CFDP1: variants seen among roughly 807,000 people sequenced by gnomAD.
CFDP1 encodes heterochromatin-stabilizing protein CFDP1.
In CFDP1, 31 loss-of-function variants were observed where a neutral mutation model predicts 40.1. That is an observed-to-expected ratio of 0.77 (90% CI 0.58 to 1.04). The LOEUF (loss-of-function observed/expected upper bound fraction) is 1.04, where lower values mean the gene tolerates loss of function less well. CFDP1 is among the 50% of genes least tolerant of loss of function. CFDP1 has a pLI of 0.00. For missense variants in CFDP1, 423 were observed against 343.4 expected, an observed-to-expected ratio of 1.23 and a Z score of -1.83; for synonymous variants, 167 against 120.0, an observed-to-expected ratio of 1.39 and a Z score of -2.56.
intron 5 of CFDP1, among the ~76,000 whole-genome samples, chr16:75,349,680 A>T (rs1368692076): frequency 0.23 from 1,502 of 6,524 alleles, 136 homozygotes; most frequent in African/African-American, 0.24. Flanking sequence ...AAAAAAAAAA[A>T]AAAAAAAAAA....
At chr16:75,296,266 G>A (rs1011807589) in intron 6 of CFDP1, among the ~76,000 whole-genome samples, 5 of 152,150 alleles carry the variant, frequency 3.3e-5, no homozygotes, top group Non-Finnish European at 7.3e-5. Context: ...TTTTAAGACA[G>A]GGTCTTGCTT....
intron 5 of CFDP1, among the ~76,000 whole-genome samples, chr16:75,369,183 C>A (rs565285558): frequency 5.9e-5 from 9 of 151,972 alleles, no homozygotes; most frequent in Non-Finnish European, 1.2e-4. Flanking sequence ...AGTTTTTGAA[C>A]GTAAATAAGA....
At chr16:75,360,891 T>C in intron 5 of CFDP1, among the ~76,000 whole-genome samples, 1 of 152,348 alleles carries the variant, frequency 6.6e-6, no homozygotes, top group Non-Finnish European at 1.5e-5. Flanking sequence ...ATAAGAATTC[T>C]TTTTTAAAAA....
At chr16:75,391,536 T>A (rs1179528755) in intron 5 of CFDP1, 2 of 152,162 alleles carry the variant, frequency 1.3e-5, no homozygotes, top group Non-Finnish European at 2.9e-5. Flanking sequence ...AAACAGAAAA[T>A]CAGAGCATAT....
At chr16:75,332,950 G>A (rs982117215) in intron 5 of CFDP1, among the ~76,000 whole-genome samples, 8 of 150,586 alleles carry the variant, frequency 5.3e-5, no homozygotes, top group African/African-American at 2.0e-4. Context: ...TAGGATTACA[G>A]GGCCCTGCCA....
chr16:75,392,947 T>G (rs191211719), intron 5 of CFDP1, among the ~76,000 whole-genome samples: 13 of 152,298 alleles, frequency 8.5e-5, no homozygotes, highest in Admixed American at 8.5e-4. Flanking sequence ...TTCTGCTCAG[T>G]GGGAGAGAAA....
At chr16:75,309,838 A>AAC (rs1555552827) in intron 5 of CFDP1, among the ~76,000 whole-genome samples, 1 of 150,738 alleles carries the variant, frequency 6.6e-6, no homozygotes, top group Admixed American at 6.6e-5. Context: ...AAAAAAAAAA[A>AAC]AAAAAAACCA....
At chr16:75,305,971 A>G (rs2078254118) in intron 5 of CFDP1, among the ~76,000 whole-genome samples, 1 of 152,206 alleles carries the variant, frequency 6.6e-6, no homozygotes, top group Non-Finnish European at 1.5e-5. Flanking sequence ...AAGTCTTGGC[A>G]GGTCAAATGT....
At chr16:75,295,097 A>C (rs1212722555) in intron 6 of CFDP1, among the ~76,000 whole-genome samples, 1 of 152,192 alleles carries the variant, frequency 6.6e-6, no homozygotes, top group Non-Finnish European at 1.5e-5. Context: ...CACTGTGGAA[A>C]ATATGCATCT....
At chr16:75,334,954 C>G (rs571132497) in intron 5 of CFDP1, among the ~76,000 whole-genome samples, 1 of 137,204 alleles carries the variant, frequency 7.3e-6, no homozygotes, top group African/African-American at 3.0e-5. Context: ...GACACTCTGC[C>G]TCAAAAAAAA....
intron 4 of CFDP1, 48 bp from the exon 5 acceptor site, chr16:75,395,257 A>G (rs2078986823): frequency 1.5e-5 from 24 of 1,597,900 alleles, no homozygotes; most frequent in Non-Finnish European, 1.9e-5. Flanking sequence ...ATAAAGAGAA[A>G]GAAACAAGCT....
chr16:75,347,776 A>G (rs2078580187), intron 5 of CFDP1, among the ~76,000 whole-genome samples: 1 of 152,222 alleles, frequency 6.6e-6, no homozygotes, highest in African/African-American at 2.4e-5. Context: ...CCAAATGATT[A>G]AAGTTAATAT....
At chr16:75,323,751 C>G (rs2078383025) in intron 5 of CFDP1, among the ~76,000 whole-genome samples, 1 of 150,768 alleles carries the variant, frequency 6.6e-6, no homozygotes, top group South Asian at 2.1e-4. Flanking sequence ...TGCACTCCAG[C>G]CTGGGCAACA....
chr16:75,393,737 CAA>C (rs61344775), intron 5 of CFDP1, among the ~76,000 whole-genome samples: 6 of 80,618 alleles, frequency 7.4e-5, no homozygotes, highest in African/African-American at 3.5e-4. Context: ...GACTCCGTCG[CAA>C]AAAAAAAAAA....
chr16:75,404,338 C>T (rs2079080741), intron 4 of CFDP1, among the ~76,000 whole-genome samples: 1 of 150,578 alleles, frequency 6.6e-6, no homozygotes, highest in Non-Finnish European at 1.5e-5. Flanking sequence ...CGGGTTCACG[C>T]CATTGTCCTG....
At chr16:75,330,778 G>T (rs2078440159) in intron 5 of CFDP1, among the ~76,000 whole-genome samples, 2 of 152,068 alleles carry the variant, frequency 1.3e-5, no homozygotes, top group African/African-American at 4.8e-5. Flanking sequence ...TGTATGCTAA[G>T]TAGACTATAA....
chr16:75,365,791 GAA>G (rs2078709531), intron 5 of CFDP1, among the ~76,000 whole-genome samples: 1 of 152,154 alleles, frequency 6.6e-6, no homozygotes, highest in African/African-American at 2.4e-5. Context: ...GTAAGTACAT[GAA>G]AAGATACTCA....
chr16:75,342,672 GGAA>G (rs1407525938), intron 5 of CFDP1, among the ~76,000 whole-genome samples: 1 of 152,162 alleles, frequency 6.6e-6, no homozygotes, highest in East Asian at 1.9e-4. Flanking sequence ...CTTACTTGGG[GGAA>G]GAAGAACAAA....
Position 75,349,686 on chromosome 16 carries a change from A to ATATATATATATATAT in CFDP1, c.651-44505_651-44504insATATATATATATATA, listed in dbSNP as rs56373574. Among the ~76,000 whole-genome samples the ATATATATATATATAT allele has an allele frequency of 1.6e-3, 14 of 8,878 alleles. 1 individual carries two copies. Among genetic ancestry groups the ATATATATATATATAT allele is most frequent in the South Asian group, 7.8e-3 (2 of 258 alleles). The allele number at this position is 8,878 out of a possible 152,430, so 5.8% of individuals were successfully genotyped here. On this transcript the variant is annotated intron_variant, in intron 5 of 6. Coordinates refer to ENST00000283882, the MANE Select transcript of CFDP1 (RefSeq NM_006324.3). ...AAAAAAAAAAAAAAAAAAAAAAAAA[A>ATATATATATATATAT]AAAAATATATATACATACATATATA...
Sources: allele counts gnomAD v4.1 joint callset (sites outside exome capture counted in the v4.1 genomes callset), GRCh38; gene constraint gnomAD v4.1.1; transcripts MANE v1.5; gene names NCBI Gene and HGNC (gene_info 2026-07-23, HGNC 2026-07-21).